MYZAP: variants seen among roughly 807,000 people sequenced by gnomAD.
MYZAP encodes the protein GRINL1A complex locus upstream.
Under a neutral mutation model 69.4 loss-of-function variants are expected in MYZAP, and 66 were observed. The observed-to-expected ratio is 0.95, with a 90% CI of 0.78 to 1.17. The LOEUF (loss-of-function observed/expected upper bound fraction) is 1.17, where lower values mean the gene tolerates loss of function less well. MYZAP is among the 50% of genes most tolerant of loss of function. The pLI is 0.00. For synonymous variants in MYZAP, 256 were observed against 205.9 expected, an observed-to-expected ratio of 1.24 and a Z score of -2.09; for missense variants, 611 against 556.2, an observed-to-expected ratio of 1.10 and a Z score of -0.99.
intron 10 of MYZAP, chr15:57,646,132 T>G: frequency 7.8e-7 from 1 of 1,289,044 alleles, no homozygotes; most frequent in Non-Finnish European, 1.0e-6. Flanking sequence ...TTGAACTGTC[T>G]CCAGATCATG....
At position 57,646,709 on chromosome 15, in the gene MYZAP, G is replaced by A. The variant is rs1461271336; in HGVS notation, c.1119+7164G>A. On this transcript the variant is annotated intron_variant, in intron 10 of 12. Transcript: ENST00000267853. Reference sequence around the variant, plus strand: ...TGGTTCTATTTGTATATGGGAGGTGGCCCTGAAGGTGTCCTTCCTGAATGG... The same window carrying A: ...TGGTTCTATTTGTATATGGGAGGTGACCCTGAAGGTGTCCTTCCTGAATGG... The A allele has an allele frequency of 5.0e-5, 49 of 986,776 alleles. 1 individual carries two copies. The South Asian group carries it at 1.9e-3, about 39-fold the overall frequency. 61.1% of individuals were successfully genotyped at this position (986,776 alleles called of 1,614,324 possible).
At chr15:57,679,130 C>T (rs551797639) in intron 12 of MYZAP, among the ~76,000 whole-genome samples, 4 of 152,164 alleles carry the variant, frequency 2.6e-5, no homozygotes, top group Admixed American at 6.5e-5. Context: ...GAGCTGAGAT[C>T]GCACCATTGT....
intron 2 of MYZAP, among the ~76,000 whole-genome samples, chr15:57,610,039 A>G (rs1427140270): frequency 1.3e-5 from 2 of 152,292 alleles, no homozygotes; most frequent in African/African-American, 4.8e-5. Context: ...AGGGCATCTG[A>G]TCTGAGTTGA....
chr15:57,600,399 C>G (rs948811083), intron 1 of MYZAP, among the ~76,000 whole-genome samples: 1 of 152,212 alleles, frequency 6.6e-6, no homozygotes, highest in Non-Finnish European at 1.5e-5. Flanking sequence ...TTTTATTTTA[C>G]AAGTTCATTT....
At chr15:57,683,306 CT>C (rs368885871) in intron 12 of MYZAP, among the ~76,000 whole-genome samples, 1,727 of 152,294 alleles carry the variant, frequency 0.011, 17 homozygotes, top group South Asian at 0.028. Context: ...CCAAAAGGAA[CT>C]GAATTTGAAG....
rs576796923 is a variant in MYZAP, at chr15:57,632,458, G to A, written c.703G>A (p.Ala235Thr). 5.5e-5 allele frequency: 89 copies of A among 1,614,192 alleles called. No homozygotes were observed. In the East Asian group the frequency reaches 1.7e-3, roughly 31 times the overall value. Residue 235 changes from alanine to threonine, a missense_variant, in exon 7 of 13, where the codon GCT becomes ACT. Ala to Thr is a moderately conservative substitution (Grantham distance 58, BLOSUM62 0). Transcript: ENST00000267853. Reference protein sequence around the residue: ...MKVESSQEANAEVMREMTKKL... With the variant: ...MKVESSQEANTEVMREMTKKL... ...GGTGGAATCGTCCCAAGAAGCCAAT[G>A]CTGAGGTGATGCGAGAGATGACCAA...
At chr15:57,612,199 C>G (rs190527307) in intron 2 of MYZAP, among the ~76,000 whole-genome samples, 2 of 152,242 alleles carry the variant, frequency 1.3e-5, no homozygotes, top group Non-Finnish European at 2.9e-5. Flanking sequence ...GAAAAGAGGT[C>G]TGAAGTAAGA....
chr15:57,597,252 C>T (rs1567197274), intron 1 of MYZAP, among the ~76,000 whole-genome samples: 1 of 152,174 alleles, frequency 6.6e-6, no homozygotes, highest in Non-Finnish European at 1.5e-5. Context: ...GTCAGTGGTT[C>T]TCAACCAGTT....
chr15:57,629,283 G>A (rs944547417), intron 5 of MYZAP, among the ~76,000 whole-genome samples: 1 of 152,002 alleles, frequency 6.6e-6, no homozygotes, highest in African/African-American at 2.4e-5. Flanking sequence ...TCCCCCCAGT[G>A]CATAAACATA....
chr15:57,630,479 G>A (rs2036438138), intron 6 of MYZAP, among the ~76,000 whole-genome samples: 1 of 152,150 alleles, frequency 6.6e-6, no homozygotes, highest in South Asian at 2.1e-4. Flanking sequence ...TTTCTGTTTG[G>A]CTTGACAATA....
chr15:57,612,100 G>A (rs1205010624), intron 2 of MYZAP, among the ~76,000 whole-genome samples: 3 of 152,216 alleles, frequency 2.0e-5, no homozygotes, highest in African/African-American at 4.8e-5. Context: ...GCACATTCCC[G>A]AAGTGCCAGC....
At chr15:57,634,689 G>A (rs1401699528) in intron 8 of MYZAP, among the ~76,000 whole-genome samples, 1 of 152,246 alleles carries the variant, frequency 6.6e-6, no homozygotes, top group East Asian at 1.9e-4. Flanking sequence ...ATGAAATTCA[G>A]TTCTGTGGAG....
chr15:57,657,886 G>T (rs1187720802), intron 10 of MYZAP, among the ~76,000 whole-genome samples: 2 of 152,292 alleles, frequency 1.3e-5, no homozygotes, highest in East Asian at 3.9e-4. Flanking sequence ...GAGAGGAGCT[G>T]CCCCTCCCAG....
At chr15:57,647,847 A>C (rs1284792844) in intron 10 of MYZAP, 1 of 985,206 alleles carries the variant, frequency 1.0e-6, no homozygotes, top group Non-Finnish European at 1.2e-6. Context: ...GATGCCCCTC[A>C]ATTCACCTCT....
At chr15:57,663,996 C>T (rs2038442543) in intron 11 of MYZAP, among the ~76,000 whole-genome samples, 1 of 151,370 alleles carries the variant, frequency 6.6e-6, no homozygotes, top group African/African-American at 2.4e-5. Flanking sequence ...TTTAATAATA[C>T]ATTTAGACTT....
intron 10 of MYZAP, 45 bp downstream of exon 10, chr15:57,639,590 G>A: frequency 1.3e-6 from 2 of 1,584,280 alleles, no homozygotes. Context: ...GCTTCCTGTG[G>A]TGGGGAAGCA....
chr15:57,612,139 A>C (rs9920920), intron 2 of MYZAP, among the ~76,000 whole-genome samples: 46,530 of 152,158 alleles, frequency 0.31, 7,382 homozygotes, highest in East Asian at 0.55. Flanking sequence ...CAGGGAACCC[A>C]GTGGCTCTGT....
intron 12 of MYZAP, 71 bp from the exon 13 acceptor site, chr15:57,684,331 C>T: frequency 1.0e-6 from 1 of 952,738 alleles, no homozygotes; most frequent in Non-Finnish European, 1.7e-6. Context: ...CTAGAGTTGT[C>T]TTACCATGTG....
At chr15:57,658,025 G>A (rs1416386363) in intron 10 of MYZAP, among the ~76,000 whole-genome samples, 1 of 152,040 alleles carries the variant, frequency 6.6e-6, no homozygotes, top group Non-Finnish European at 1.5e-5. Flanking sequence ...TTTCTTACGG[G>A]TGTTTCTGTT....
Sources: allele counts gnomAD v4.1 joint callset (sites outside exome capture counted in the v4.1 genomes callset), GRCh38; gene constraint gnomAD v4.1.1; transcripts MANE v1.5; gene names NCBI Gene and HGNC (gene_info 2026-07-23, HGNC 2026-07-21).